COX6A2: variants seen among roughly 807,000 people sequenced by gnomAD.
COX6A2 encodes cytochrome c oxidase subunit 6A2, mitochondrial.
A neutral mutation model predicts 7.2 loss-of-function variants in COX6A2; 5 were observed. The ratio of observed to expected loss-of-function variants is 0.69; its 90% CI spans 0.36 to 1.45. The LOEUF is 1.45. Among genes scored for constraint, COX6A2 ranks in the 40% most tolerant of loss-of-function variants. The pLI, the probability that COX6A2 is intolerant of heterozygous loss-of-function variation, is 0.03. For synonymous variants in COX6A2, 63 were observed against 55.9 expected (o/e 1.13, Z -0.56); for missense variants, 174 against 137.7 (o/e 1.26, Z -1.32).
intron 2 of COX6A2, 40 bp from the exon 3 acceptor site, chr16:31,427,897 T>C: frequency 1.1e-6 from 1 of 946,228 alleles, no homozygotes; most frequent in Non-Finnish European, 1.3e-6. Flanking sequence ...GTGAGCGCCG[T>C]GAGTCCGGAG....
In COX6A2 at chr16:31,428,059, G is replaced by C. The variant is rs1178331301; in HGVS notation, c.166C>G (p.Arg56Gly). 6 of 1,545,482 alleles carry C rather than the reference G, an allele frequency of 3.9e-6. No homozygotes were observed. The highest frequency in any genetic ancestry group is 5.2e-6 in the Non-Finnish European group (6 of 1,146,516). The change falls in exon 2 of 3, where the codon CGC becomes GGC. Residue 56 changes from arginine to glycine, a missense_variant. Coordinates refer to ENST00000287490, the MANE Select transcript of COX6A2 (RefSeq NM_005205.4). ...NSYLHSGHRP[R>G]PEFRPYQHLR... ...TGTTGGTAGGGACGGAACTCGGGGC[G>C]CGGGCGGTGGCCCGAGTGGAGATAG... is the stretch of plus-strand genomic sequence containing the variant.
At chr16:31,427,981 A>ACC (rs1286439425) in intron 2 of COX6A2, 34 bp downstream of exon 2, 60 of 906,642 alleles carry the variant, frequency 6.6e-5, no homozygotes, top group Middle Eastern at 4.5e-4. Flanking sequence ...CCCCCGCAGC[A>ACC]CCCCCGTGCC....
Position 31,428,264 on chromosome 16 carries a change from C to A in COX6A2, c.62G>T (p.Gly21Val). 1 of 1,600,452 alleles carries A rather than the reference C, an allele frequency of 6.2e-7. No individual in the cohort carries two copies. Among genetic ancestry groups the A allele is most frequent in the East Asian group, 2.3e-5 (1 of 44,036 alleles). The change falls in exon 1 of 3, where the codon GGA (glycine) becomes GTA (valine). Residue 21 changes from glycine (G) to valine (V), a missense_variant. By Grantham distance (109) the Gly-to-Val change is moderately radical (BLOSUM62 -3). Coordinates refer to ENST00000287490, the MANE Select transcript of COX6A2 (RefSeq NM_005205.4). ...GLASAAKGGH[G>V]GAGARTWRLL... ...CGTTCCCCACTCACCTCCTGCTCCT[C>A]CGTGGCCTCCTTTGGCAGCGCTGGC...
chr16:31,428,226 C>T (rs1418769849), intron 1 of COX6A2, 27 bp downstream of exon 1: 7 of 1,551,658 alleles, frequency 4.5e-6, no homozygotes, highest in Non-Finnish European at 5.2e-6. Flanking sequence ...GTAGGGGAGC[C>T]CCCGGATCCG....
chr16:31,428,150 A>C lies in COX6A2; in HGVS notation c.75T>G (p.Ala25=). 1.3e-6 allele frequency: 2 copies of C among 1,571,644 alleles called. No homozygotes were observed. The highest frequency in any genetic ancestry group is 1.7e-6 in the Non-Finnish European group (2 of 1,159,596). Residue 25 remains alanine (A), a splice_region_variant and synonymous_variant, in exon 2 of 3, where the codon GCT becomes GCG. Coordinates refer to ENST00000287490, the MANE Select transcript of COX6A2 (RefSeq NM_005205.4). ...CGAAGGTCAGCAGACGCCAGGTACG[A>C]GCTGCGGACGGAGCGGGGTGAGCGC... ...AAKGGHGGAG[A]RTWRLLTFVL...
intron 2 of COX6A2, 22 bp from the exon 3 acceptor site, chr16:31,427,879 G>A (rs373389146): frequency 1.3e-5 from 17 of 1,298,258 alleles, no homozygotes; most frequent in Non-Finnish European, 1.7e-5. Flanking sequence ...GCGGGGGAGG[G>A]AGCGCGCGTG....
Position 31,427,788 on chromosome 16 carries a change from A to C in COX6A2, c.280T>G (p.Tyr94Asp). The change falls in exon 3 of 3, where the codon TAC becomes GAC. Residue 94 changes from tyrosine (Y) to aspartate (D), a missense_variant. By Grantham distance (160) the Tyr-to-Asp change is radical. Coordinates refer to ENST00000287490, the MANE Select transcript of COX6A2 (RefSeq NM_005205.4). Reference sequence around the variant, plus strand: ...CGTCCGGGGCCTCAGGGGTGTTCGTAGCCCGTGGGCAGAGGGTTCACGTGG... The same window carrying C: ...CGTCCGGGGCCTCAGGGGTGTTCGTCGCCCGTGGGCAGAGGGTTCACGTGG... ...NSHVNPLPTGYEHP is the reference protein window; with the variant it reads ...NSHVNPLPTGDEHP 1 of 1,414,266 alleles carries C rather than the reference A, an allele frequency of 7.1e-7. No individual in the cohort carries two copies. The allele number at this position is 1,414,266 out of a possible 1,614,324, so 87.6% of individuals were successfully genotyped here.
rs767531048 is a variant in COX6A2 at position 31,428,239 on chromosome 16, C to T, written c.73+14G>A. ...GGGTAGGGGAGCCCCCGGATCCGCCCGTTCCCCACTCACCTCCTGCTCCTC... is the reference window on the plus strand; with the variant it reads ...GGGTAGGGGAGCCCCCGGATCCGCCTGTTCCCCACTCACCTCCTGCTCCTC... On this transcript the variant is annotated intron_variant, in intron 1 of 2. Coordinates refer to ENST00000287490, the MANE Select transcript of COX6A2 (RefSeq NM_005205.4). 7.0e-6 allele frequency: 11 copies of T among 1,577,594 alleles called. No individual in the cohort carries two copies. The highest frequency in any genetic ancestry group is 5.8e-5 in the South Asian group (5 of 85,662).
intron 2 of COX6A2, 33 bp downstream of exon 2, chr16:31,427,982 C>G (rs1163115266): frequency 3.2e-5 from 41 of 1,266,654 alleles, no homozygotes; most frequent in Admixed American, 6.6e-5. Flanking sequence ...CCCCGCAGCA[C>G]CCCCGTGCCG....
intron 2 of COX6A2, 37 bp downstream of exon 2, chr16:31,427,961 CCCCCCCCCGCCCCCGCA>C (rs2082150807): frequency 2.7e-6 from 1 of 375,292 alleles, no homozygotes; most frequent in East Asian, 8.3e-5. Flanking sequence ...CCCCGCAGCA[CCCCCCCCCGCCCCCGCA>C]GCACCCCCGT....
In COX6A2 at chr16:31,428,242, TC is replaced by T; in HGVS notation, c.73+10del. On this transcript the variant is annotated intron_variant, in intron 1 of 2. Transcript: ENST00000287490. ...TAGGGGAGCCCCCGGATCCGCCCGT[TC>T]CCCACTCACCTCCTGCTCCTCCGTG... 1 of 1,584,914 alleles carries T rather than the reference TC, an allele frequency of 6.3e-7. No homozygotes were observed. Among genetic ancestry groups the T allele is most frequent in the Non-Finnish European group, 8.6e-7 (1 of 1,166,092 alleles).
chr16:31,427,956 CAGCA>C, intron 2 of COX6A2, 55 bp downstream of exon 2: 1 of 454,384 alleles, frequency 2.2e-6, no homozygotes, highest in Non-Finnish European at 3.0e-6. Context: ...CCCGCCCCCG[CAGCA>C]CCCCCCCCCG....
chr16:31,428,244 C>G lies in COX6A2; in HGVS notation c.73+9G>C, dbSNP rs753626288. On this transcript the variant is annotated intron_variant, in intron 1 of 2. Transcript: ENST00000287490. The stretch of plus-strand genomic sequence containing the variant: ...GGGGAGCCCCCGGATCCGCCCGTTC[C>G]CCACTCACCTCCTGCTCCTCCGTGG... 96 of 1,586,602 alleles carry G rather than the reference C, an allele frequency of 6.1e-5. No individual in the cohort carries two copies. Among genetic ancestry groups the G allele is most frequent in the Middle Eastern group, 3.4e-4 (2 of 5,916 alleles).
rs753318259 is a variant in COX6A2, at chr16:31,427,744, C to T, written c.*30G>A. On this transcript the variant is annotated 3_prime_UTR_variant, in exon 3 of 3. Coordinates refer to ENST00000287490, the MANE Select transcript of COX6A2 (RefSeq NM_005205.4). ...AGAGCCGCAGACTCGAAGCTTCACA[C>T]CTTTATTGTGTCCGGGGGCGTCCGG... is the stretch of plus-strand genomic sequence containing the variant. 3.6e-6 allele frequency: 5 copies of T among 1,370,892 alleles called. No individual in the cohort carries two copies. The highest frequency in any genetic ancestry group is 3.8e-6 in the Non-Finnish European group (4 of 1,054,846). 84.9% of individuals were successfully genotyped at this position (1,370,892 alleles called of 1,614,324 possible). A position where few individuals can be genotyped will look rare whatever the true frequency, so the allele number is the denominator to read the frequency against.
chr16:31,428,198 T>G (rs1386016756), intron 1 of COX6A2, 47 bp from the exon 2 acceptor site: 1 of 1,547,972 alleles, frequency 6.5e-7, no homozygotes, highest in Admixed American at 2.0e-5. Context: ...GCGGCGGGCC[T>G]GTGAACAGGT....
chr16:31,428,292 A>G lies in COX6A2; in HGVS notation c.34T>C (p.Leu12=). 1 of 1,606,556 alleles carries G rather than the reference A, an allele frequency of 6.2e-7. No homozygotes were observed. Among genetic ancestry groups the G allele is most frequent in the South Asian group, 1.1e-5 (1 of 89,434 alleles). ...ALPLRPLTRG[L]ASAAKGGHGG... Reference sequence around the variant, plus strand: ...TGGCCTCCTTTGGCAGCGCTGGCCAAGCCCCGGGTCAGGGGCCTCAGAGGC... The same window carrying G: ...TGGCCTCCTTTGGCAGCGCTGGCCAGGCCCCGGGTCAGGGGCCTCAGAGGC... Residue 12 remains leucine (L), a synonymous_variant, in exon 1 of 3, where the codon TTG becomes CTG. Transcript: ENST00000287490.
chr16:31,428,286 T>G lies in COX6A2; in HGVS notation c.40A>C (p.Ser14Arg). The stretch of plus-strand genomic sequence containing the variant: ...CCTCCGTGGCCTCCTTTGGCAGCGC[T>G]GGCCAAGCCCCGGGTCAGGGGCCTC... ...PLRPLTRGLA[S>R]AAKGGHGGAG... Residue 14 changes from serine to arginine, a missense_variant, in exon 1 of 3, where the codon AGC becomes CGC. Physicochemically the swap from Ser to Arg is moderately radical, Grantham distance 110 (BLOSUM62 -1). Transcript: ENST00000287490. 1 of 1,606,396 alleles carries G rather than the reference T, an allele frequency of 6.2e-7. No individual in the cohort carries two copies. Among genetic ancestry groups the G allele is most frequent in the Non-Finnish European group, 8.5e-7 (1 of 1,176,986 alleles).
In COX6A2 at chr16:31,428,297, C is replaced by T. The variant is rs752729509; in HGVS notation, c.29G>A (p.Arg10Gln). 3.1e-6 allele frequency: 5 copies of T among 1,606,756 alleles called. No homozygotes were observed. Among genetic ancestry groups the T allele is most frequent in the Admixed American group, 3.4e-5 (2 of 59,196 alleles). Reference protein sequence around the residue: MALPLRPLTRGLASAAKGGH... With the variant: MALPLRPLTQGLASAAKGGH... ...TCCTTTGGCAGCGCTGGCCAAGCCC[C>T]GGGTCAGGGGCCTCAGAGGCAAAGC... is the stretch of plus-strand genomic sequence containing the variant. The change falls in exon 1 of 3, where the codon CGG becomes CAG. Residue 10 changes from arginine to glutamine, a missense_variant. By Grantham distance (43) the Arg-to-Gln change is conservative. Coordinates refer to ENST00000287490, the MANE Select transcript of COX6A2 (RefSeq NM_005205.4).
Position 31,427,831 on chromosome 16 carries a change from G to A in COX6A2, c.237C>T (p.His79=), listed in dbSNP as rs200813960. Reference sequence around the variant, plus strand: ...TCACGTGGCTATTGTGGAACAGAGTGTGGTTGCCGTCCCCCCAGGGGTAGG... The same window carrying A: ...TCACGTGGCTATTGTGGAACAGAGTATGGTTGCCGTCCCCCCAGGGGTAGG... The part of the protein sequence containing the change: ...TKPYPWGDGN[H]TLFHNSHVNP... Residue 79 remains histidine (H), a synonymous_variant, in exon 3 of 3, where the codon CAC becomes CAT. Coordinates refer to ENST00000287490, the MANE Select transcript of COX6A2 (RefSeq NM_005205.4). 127 of 1,404,654 alleles carry A rather than the reference G, an allele frequency of 9.0e-5. No individual in the cohort carries two copies. Among genetic ancestry groups the A allele is most frequent in the Admixed American group, 1.8e-4 (6 of 33,880 alleles). 87.0% of individuals were successfully genotyped at this position (1,404,654 alleles called of 1,614,324 possible).
Sources: gnomAD v4.1 joint callset for allele counts on GRCh38, gnomAD v4.1.1 for gene constraint, MANE v1.5 for transcripts, NCBI Gene and HGNC (gene_info 2026-07-23, HGNC 2026-07-21) for gene names.